MAST4: variants seen among roughly 807,000 people sequenced by gnomAD.
The protein encoded by MAST4 is microtubule-associated serine/threonine-protein kinase 4.
A neutral mutation model predicts 162.7 loss-of-function variants in MAST4; 89 were observed. That is an observed-to-expected ratio of 0.55 (90% CI 0.46 to 0.65). The LOEUF is 0.65. Ranked by LOEUF, MAST4 falls within the 30% of genes least tolerant of loss-of-function variation. MAST4 has a pLI of 0.00. For missense variants in MAST4, 3,153 were observed against 3,374.0 expected (o/e 0.93, Z 1.62); for synonymous variants, 1,479 against 1,361.1 (o/e 1.09, Z -1.91).
At chr5:67,078,654 A>G (rs945062049) in intron 5 of MAST4, among the ~76,000 whole-genome samples, 2 of 129,400 alleles carry the variant, frequency 1.5e-5, no homozygotes, top group African/African-American at 6.6e-5. Context: ...ATCTTTATAT[A>G]TATTTATTTT....
intron 1 of MAST4, among the ~76,000 whole-genome samples, chr5:66,647,848 G>C (rs1745943815): frequency 6.6e-6 from 1 of 152,016 alleles, no homozygotes; most frequent in South Asian, 2.1e-4. Flanking sequence ...TAAACATAGA[G>C]GAAAATATCT....
At chr5:66,606,218 T>C (rs1224819216) in intron 1 of MAST4, among the ~76,000 whole-genome samples, 2 of 147,850 alleles carry the variant, frequency 1.4e-5, no homozygotes, top group Admixed American at 1.3e-4. Flanking sequence ...AACAGAATGT[T>C]TGGGGGCAAA....
intron 3 of MAST4, among the ~76,000 whole-genome samples, chr5:66,876,659 G>A (rs1004801727): frequency 5.9e-5 from 9 of 152,178 alleles, no homozygotes; most frequent in African/African-American, 9.7e-5. Flanking sequence ...TTTGGTGTAA[G>A]TACAGCCAGT....
chr5:66,683,570 T>C (rs747134544), intron 1 of MAST4, among the ~76,000 whole-genome samples: 3 of 152,188 alleles, frequency 2.0e-5, no homozygotes, highest in African/African-American at 7.2e-5. Context: ...TAATGTAAGA[T>C]GAAGATCTCA....
At chr5:66,706,097 G>T (rs1316553241) in intron 1 of MAST4, among the ~76,000 whole-genome samples, 1 of 152,134 alleles carries the variant, frequency 6.6e-6, no homozygotes, top group East Asian at 1.9e-4. Flanking sequence ...GTACTGTGAA[G>T]ATTCCTAGGC....
chr5:66,900,462 A>G (rs1490238965), intron 4 of MAST4, among the ~76,000 whole-genome samples: 1 of 152,112 alleles, frequency 6.6e-6, no homozygotes, highest in African/African-American at 2.4e-5. Flanking sequence ...CTTGTATTAA[A>G]ATAATGGATT....
intron 1 of MAST4, among the ~76,000 whole-genome samples, chr5:66,688,480 G>A (rs1414115612): frequency 1.3e-5 from 2 of 152,254 alleles, no homozygotes; most frequent in East Asian, 3.9e-4. Flanking sequence ...CATTTTGAAG[G>A]GCTGAATTCT....
intron 1 of MAST4, among the ~76,000 whole-genome samples, chr5:66,604,714 T>C (rs752684197): frequency 1.3e-5 from 2 of 152,330 alleles, no homozygotes; most frequent in Non-Finnish European, 2.9e-5. Context: ...TGGCTGGTGA[T>C]TTTGTGCCTC....
intron 4 of MAST4, among the ~76,000 whole-genome samples, chr5:67,040,179 G>C (rs1299582998): frequency 1.3e-5 from 2 of 152,020 alleles, no homozygotes; most frequent in Non-Finnish European, 1.5e-5. Flanking sequence ...CTGAGAGTGA[G>C]TTATCTAGAA....
chr5:66,786,497 A>G (rs1484422356), intron 2 of MAST4, among the ~76,000 whole-genome samples: 2 of 152,200 alleles, frequency 1.3e-5, no homozygotes, highest in East Asian at 3.8e-4. Context: ...GGAGGGAGGA[A>G]AAAGTGGATT....
At chr5:66,797,660 G>A (rs1219249561) in intron 3 of MAST4, among the ~76,000 whole-genome samples, 1 of 152,162 alleles carries the variant, frequency 6.6e-6, no homozygotes, top group Non-Finnish European at 1.5e-5. Flanking sequence ...CAACATGCTG[G>A]AGAGTTTGCA....
At chr5:66,614,175 G>T (rs1281591407) in intron 1 of MAST4, among the ~76,000 whole-genome samples, 1 of 152,154 alleles carries the variant, frequency 6.6e-6, no homozygotes, top group East Asian at 1.9e-4. Context: ...CCCTGGCCCG[G>T]AACATCTTAT....
intron 2 of MAST4, among the ~76,000 whole-genome samples, chr5:66,780,679 C>A (rs935244015): frequency 2.6e-5 from 4 of 152,160 alleles, no homozygotes; most frequent in Non-Finnish European, 5.9e-5. Flanking sequence ...TTTGGCCCTG[C>A]CGATGTCCTG....
intron 3 of MAST4, among the ~76,000 whole-genome samples, chr5:66,842,964 A>G (rs576110487): frequency 2.6e-5 from 4 of 152,286 alleles, no homozygotes; most frequent in African/African-American, 7.2e-5. Context: ...CATCTTTAAT[A>G]CTAACACTAG....
At chr5:66,946,454 A>C (rs1744036879) in intron 4 of MAST4, among the ~76,000 whole-genome samples, 1 of 152,152 alleles carries the variant, frequency 6.6e-6, no homozygotes, top group Non-Finnish European at 1.5e-5. Context: ...TAAATAAATA[A>C]ATGAATTCTA....
intron 2 of MAST4, among the ~76,000 whole-genome samples, chr5:66,773,611 A>G (rs934729823): frequency 1.3e-5 from 2 of 152,202 alleles, no homozygotes; most frequent in Non-Finnish European, 2.9e-5. Flanking sequence ...TTAAGAGATG[A>G]TTAGGCTATC....
rs1372509771 is a variant in MAST4 at position 67,166,217 on chromosome 5, C to T, written c.7038C>T (p.Cys2346=). 1 of 1,552,716 alleles carries T rather than the reference C, an allele frequency of 6.4e-7. No homozygotes were observed. ...CTGTGAAAGATTGCCCCACCCTGTGCAAACAGACAGACAACAGACAGACAG... is the reference window on the plus strand; with the variant it reads ...CTGTGAAAGATTGCCCCACCCTGTGTAAACAGACAGACAACAGACAGACAG... ...PSTVKDCPTL[C]KQTDNRQTDK... The change falls in exon 29 of 29, where the codon TGC becomes TGT. Residue 2346 remains cysteine (C), a synonymous_variant. Coordinates refer to ENST00000403625, the MANE Select transcript of MAST4 (RefSeq NM_001164664.2).
intron 4 of MAST4, among the ~76,000 whole-genome samples, chr5:66,927,666 T>C (rs1183484706): frequency 6.6e-6 from 1 of 152,134 alleles, no homozygotes; most frequent in African/African-American, 2.4e-5. Context: ...GGACAGACAC[T>C]TGAGAGGAAA....
intron 1 of MAST4, among the ~76,000 whole-genome samples, chr5:66,629,066 G>T (rs972902825): frequency 2.0e-5 from 3 of 152,184 alleles, no homozygotes; most frequent in Non-Finnish European, 4.4e-5. Context: ...TCCACTTCAT[G>T]ATATTGTCAT....
Sources: allele counts gnomAD v4.1 joint callset (sites outside exome capture counted in the v4.1 genomes callset), GRCh38; gene constraint gnomAD v4.1.1; transcripts MANE v1.5; gene names NCBI Gene and HGNC (gene_info 2026-07-23, HGNC 2026-07-21).